Variants in FNTB observed in about 807,000 individuals in gnomAD.
The protein encoded by FNTB is farnesyltransferase, CAAX box, subunit beta.
In FNTB, 27 loss-of-function variants were observed where a neutral mutation model predicts 59.4. The observed-to-expected ratio is 0.45, with a 90% CI of 0.34 to 0.63. The LOEUF (loss-of-function observed/expected upper bound fraction) is 0.63. FNTB is among the 20% of genes least tolerant of loss of function. The pLI is 0.02. For synonymous variants in FNTB, 230 were observed against 220.7 expected (o/e 1.04, Z -0.37); for missense variants, 449 against 559.6 (o/e 0.80, Z 1.99).
At position 64,995,393 on chromosome 14, in the gene FNTB, T is replaced by C. The variant is rs1377387493; in HGVS notation, c.144+8296T>C. Among the ~76,000 whole-genome samples, 3 of 152,240 alleles carry C rather than the reference T, an allele frequency of 2.0e-5. 1 individual carries two copies. Among genetic ancestry groups the C allele is most frequent in the Non-Finnish European group, 4.4e-5 (3 of 68,038 alleles). ...TGTTTATTATCATTATCAAGTGTTA[T>C]GTACTGTACATAATTGTATGTGTTA... On this transcript the variant is annotated intron_variant, in intron 1 of 11. Transcript: ENST00000246166.
chr14:65,010,348 A>T (rs2061663907), intron 2 of FNTB, among the ~76,000 whole-genome samples: 1 of 152,150 alleles, frequency 6.6e-6, no homozygotes, highest in African/African-American at 2.4e-5. Flanking sequence ...GTGTGCAGAC[A>T]AATGCTTCGT....
At chr14:65,008,292 G>T (rs3783721) in intron 2 of FNTB, among the ~76,000 whole-genome samples, 3 of 151,994 alleles carry the variant, frequency 2.0e-5, no homozygotes. Flanking sequence ...GCCCAGGTTT[G>T]GGGGGAGGAA....
chr14:65,054,746 G>C lies in FNTB; in HGVS notation c.1182+57G>C, dbSNP rs991885041. 13 of 1,535,722 alleles carry C rather than the reference G, an allele frequency of 8.5e-6. No individual in the cohort carries two copies. Among genetic ancestry groups the C allele is most frequent in the Middle Eastern group, 1.7e-4 (1 of 5,762 alleles). ...TCCACAGGGACCTCGCGGACAGAAG[G>C]CTTTCCAAGTAAGCAGAACTGGCTC... On this transcript the variant is annotated intron_variant, in intron 11 of 11. Transcript: ENST00000246166. This position sits in a 1 kb window ranked among gnomAD's most constrained non-coding sequence, Gnocchi z 4.4.
At chr14:64,998,219 A>G (rs72728229) in intron 1 of FNTB, among the ~76,000 whole-genome samples, 13,649 of 152,278 alleles carry the variant, frequency 0.09, 734 homozygotes, top group Admixed American at 0.15. Context: ...TTTAGTGACT[A>G]TTGCCACTAC....
rs569044963 is a variant in FNTB, at chr14:65,014,902, T to TG, written c.283-722dup. Among the ~76,000 whole-genome samples the TG allele has an allele frequency of 4.6e-5, 7 of 152,122 alleles. No individual in the cohort carries two copies. The highest frequency in any genetic ancestry group is 8.8e-5 in the Non-Finnish European group (6 of 68,014). ...GCACAAGTAGATACTATCAAATATT[T>TG]GTTGAATCAGTGATTGAGTTAAGCT... is the stretch of plus-strand genomic sequence containing the variant. On this transcript the variant is annotated intron_variant, in intron 3 of 11. Transcript: ENST00000246166. The surrounding 1 kb of genome is among the most constrained non-coding windows in gnomAD (Gnocchi z 5.1).
At chr14:65,021,922 A>T in intron 4 of FNTB, 1 of 456,080 alleles carries the variant, frequency 2.2e-6, no homozygotes, top group Non-Finnish European at 4.4e-6. Context: ...CTAGGATTAT[A>T]GGCGTGAGCC....
chr14:65,027,872 A>G lies in FNTB; in HGVS notation c.605+91A>G. 1 of 1,541,714 alleles carries G rather than the reference A, an allele frequency of 6.5e-7. No individual in the cohort carries two copies. The highest frequency in any genetic ancestry group is 1.2e-5 in the South Asian group (1 of 86,466). On this transcript the variant is annotated intron_variant, in intron 6 of 11. Transcript: ENST00000246166. The surrounding 1 kb of genome is among the most constrained non-coding windows in gnomAD (Gnocchi z 5.7). ...CCAAGCCTAAGGAACATCATGGGGA[A>G]GCTGCTGCTTTGTCCCAGAATGACA... is the stretch of plus-strand genomic sequence containing the variant.
chr14:65,020,053 C>G (rs1275437296), intron 4 of FNTB, among the ~76,000 whole-genome samples: 1 of 152,184 alleles, frequency 6.6e-6, no homozygotes, highest in Non-Finnish European at 1.5e-5. Context: ...TTCTTTTCCC[C>G]TGCATGTAAC....
chr14:65,042,199 CG>C (rs1207782355), intron 8 of FNTB, among the ~76,000 whole-genome samples: 7 of 151,222 alleles, frequency 4.6e-5, no homozygotes, highest in Admixed American at 2.6e-4. Flanking sequence ...GGGGGTGGGA[CG>C]GGGGGTGATG....
Position 65,009,111 on chromosome 14 carries a change from C to T in FNTB, c.210-3206C>T, listed in dbSNP as rs765766226. ...GCTCTACCTTTTCTTTCTTAACTTC[C>T]TACACAGAAAAGATTTTTGGATAGA... On this transcript the variant is annotated intron_variant, in intron 2 of 11. Coordinates refer to ENST00000246166, the MANE Select transcript of FNTB (RefSeq NM_002028.4). The surrounding 1 kb of genome is among the most constrained non-coding windows in gnomAD (Gnocchi z 4.2). Among the ~76,000 whole-genome samples, 5 of 152,092 alleles carry T rather than the reference C, an allele frequency of 3.3e-5. No homozygotes were observed. The highest frequency in any genetic ancestry group is 7.4e-5 in the Non-Finnish European group (5 of 67,988).
chr14:65,032,766 A>G lies in FNTB; in HGVS notation c.692+70A>G. 1 of 1,469,710 alleles carries G rather than the reference A, an allele frequency of 6.8e-7. No homozygotes were observed. 91.0% of individuals were successfully genotyped at this position (1,469,710 alleles called of 1,614,324 possible). A position where few individuals can be genotyped will look rare whatever the true frequency, so the allele number is the denominator to read the frequency against. ...GTCACGACACTACTTCAGAAAAATA[A>G]AGAAAATGCAGAGGGACTTGGAAGG... On this transcript the variant is annotated intron_variant, in intron 7 of 11. Coordinates refer to ENST00000246166, the MANE Select transcript of FNTB (RefSeq NM_002028.4). This position sits in a 1 kb window ranked among gnomAD's most constrained non-coding sequence, Gnocchi z 5.0.
rs1436384442 is a variant in FNTB, at chr14:65,029,205, GA to G, written c.605+1428del. 6.6e-6 allele frequency among the ~76,000 whole-genome samples: 1 copy of G among 152,226 alleles called. No individual in the cohort carries two copies. The highest frequency in any genetic ancestry group is 1.9e-4 in the East Asian group (1 of 5,202). Reference sequence around the variant, plus strand: ...AAGGATTAAAGATATGAATGATAGAGAAAAGCTAGCAGATTGCATCCATTTT... The same window carrying G: ...AAGGATTAAAGATATGAATGATAGAGAAAGCTAGCAGATTGCATCCATTTT... On this transcript the variant is annotated intron_variant, in intron 6 of 11. Coordinates refer to ENST00000246166, the MANE Select transcript of FNTB (RefSeq NM_002028.4). The surrounding 1 kb of genome is among the most constrained non-coding windows in gnomAD (Gnocchi z 4.7).
chr14:65,005,479 TTCTTTC>T (rs1348368440), intron 2 of FNTB, among the ~76,000 whole-genome samples: 3 of 135,588 alleles, frequency 2.2e-5, no homozygotes, highest in African/African-American at 9.4e-5. Flanking sequence ...CTTTCTTTCT[TTCTTTC>T]TTTCTTTCTT....
Position 64,990,739 on chromosome 14 carries a change from C to T in FNTB, c.144+3642C>T, listed in dbSNP as rs1888166916. 6.6e-6 allele frequency among the ~76,000 whole-genome samples: 1 copy of T among 152,108 alleles called. No homozygotes were observed. The highest frequency in any genetic ancestry group is 2.4e-5 in the African/African-American group (1 of 41,426). On this transcript the variant is annotated intron_variant, in intron 1 of 11. Transcript: ENST00000246166. This position sits in a 1 kb window ranked among gnomAD's most constrained non-coding sequence, Gnocchi z 5.2. ...AGTCTGACTAGCATTTTAACAGGCT[C>T]ATTTAGGTTACTGTCAAGAGTAGAT...
chr14:65,059,377 T>A (rs1353958005), intron 11 of FNTB, among the ~76,000 whole-genome samples: 1 of 152,072 alleles, frequency 6.6e-6, no homozygotes, highest in Non-Finnish European at 1.5e-5. Flanking sequence ...GATCAGAGAT[T>A]ATCTGTTTCT....
rs1369897042 is a variant in FNTB at position 65,061,773 on chromosome 14, T to A, written c.*461T>A. On this transcript the variant is annotated 3_prime_UTR_variant, in exon 12 of 12. Coordinates refer to ENST00000246166, the MANE Select transcript of FNTB (RefSeq NM_002028.4). The stretch of plus-strand genomic sequence containing the variant: ...GGCTTTGGGTCCCACCAAGATGAGT[T>A]CTCTGTAAGACTGTGGTGGAGTTGC... The A allele has an allele frequency of 6.1e-6, 1 of 163,648 alleles. No individual in the cohort carries two copies. The highest frequency in any genetic ancestry group is 2.4e-5 in the African/African-American group (1 of 42,012). The allele number at this position is 163,648 out of a possible 1,614,324, so 10.1% of individuals were successfully genotyped here.
chr14:65,059,583 G>C (rs1304061703), intron 11 of FNTB, among the ~76,000 whole-genome samples: 1 of 152,004 alleles, frequency 6.6e-6, no homozygotes, highest in Admixed American at 6.6e-5. Context: ...GTTTCAGCAT[G>C]AGGTTGCTCC....
rs1430507426 is a variant in FNTB, at chr14:65,018,843, G to T, written c.374+3127G>T. On this transcript the variant is annotated intron_variant, in intron 4 of 11. Coordinates refer to ENST00000246166, the MANE Select transcript of FNTB (RefSeq NM_002028.4). ...AAAAAAAAAAAGGCCAGGCGCGGTG[G>T]CTCACACCTGTAATCCCAGCACTTT... Among the ~76,000 whole-genome samples, 24 of 149,378 alleles carry T rather than the reference G, an allele frequency of 1.6e-4. No homozygotes were observed. In the East Asian group the frequency reaches 3.4e-3, roughly 21 times the overall value.
Position 65,028,608 on chromosome 14 carries a change from C to A in FNTB, c.605+827C>A, listed in dbSNP as rs529046202. On this transcript the variant is annotated intron_variant, in intron 6 of 11. Transcript: ENST00000246166. This position sits in a 1 kb window ranked among gnomAD's most constrained non-coding sequence, Gnocchi z 4.4. ...TTTGAAAGTATAGGGGAGGAAAAAA[C>A]CACGAACATTGTGGAGCATAAAATA... is the stretch of plus-strand genomic sequence containing the variant. Among the ~76,000 whole-genome samples the A allele has an allele frequency of 5.3e-5, 8 of 152,276 alleles. No homozygotes were observed. In the South Asian group the frequency reaches 1.7e-3, roughly 32 times the overall value.
Sources: allele counts gnomAD v4.1 joint callset (sites outside exome capture counted in the v4.1 genomes callset), GRCh38; gene constraint gnomAD v4.1.1; non-coding constraint Gnocchi (gnomAD v3.1); transcripts MANE v1.5; gene names NCBI Gene and HGNC (gene_info 2026-07-23, HGNC 2026-07-21).